DLGAP1: variants seen among roughly 807,000 people sequenced by gnomAD.
The protein encoded by DLGAP1 is disks large-associated protein 1.
A neutral mutation model predicts 90.8 loss-of-function variants in DLGAP1; 11 were observed. The ratio of observed to expected loss-of-function variants is 0.12; its 90% CI spans 0.08 to 0.20. The LOEUF is 0.20. Ranked by LOEUF, DLGAP1 falls within the 10% of genes least tolerant of loss-of-function variation. DLGAP1 has a pLI of 1.00. For missense variants in DLGAP1, 1,050 were observed against 1,333.8 expected, an observed-to-expected ratio of 0.79 and a Z score of 3.31; for synonymous variants, 558 against 540.7, an observed-to-expected ratio of 1.03 and a Z score of -0.44.
At chr18:4,304,126 GAA>G (rs1334627200) in intron 1 of DLGAP1, among the ~76,000 whole-genome samples, 1 of 152,182 alleles carries the variant, frequency 6.6e-6, no homozygotes, top group East Asian at 1.9e-4. Context: ...GTGCAGAAAT[GAA>G]AAGTTGGTTA....
chr18:3,965,937 T>C (rs1329482176), intron 3 of DLGAP1, among the ~76,000 whole-genome samples: 1 of 40,454 alleles, frequency 2.5e-5, no homozygotes, highest in Non-Finnish European at 5.1e-5. Context: ...TAAGACTCCA[T>C]GTCAAAAAAA....
At chr18:3,624,557 G>T (rs1599598434) in intron 7 of DLGAP1, among the ~76,000 whole-genome samples, 1 of 152,152 alleles carries the variant, frequency 6.6e-6, no homozygotes, top group African/African-American at 2.4e-5. Flanking sequence ...TGAACTGTAG[G>T]AGTAGTTTTG....
chr18:3,736,214 G>A (rs114408387), intron 6 of DLGAP1, among the ~76,000 whole-genome samples: 154 of 152,224 alleles, frequency 1.0e-3, no homozygotes, highest in African/African-American at 3.7e-3. Flanking sequence ...GGAAATGACA[G>A]TGACTACATG....
intron 7 of DLGAP1, among the ~76,000 whole-genome samples, chr18:3,712,901 T>C (rs949149596): frequency 6.6e-6 from 1 of 152,188 alleles, no homozygotes; most frequent in African/African-American, 2.4e-5. Context: ...GGCAAATTCG[T>C]GGGAGTGAAG....
chr18:3,969,422 G>A (rs917651963), intron 3 of DLGAP1, among the ~76,000 whole-genome samples: 3 of 152,150 alleles, frequency 2.0e-5, no homozygotes, highest in Admixed American at 1.3e-4. Context: ...ATTAGGCGTT[G>A]ACTGAGTGTA....
intron 4 of DLGAP1, among the ~76,000 whole-genome samples, chr18:3,866,476 G>T (rs989917965): frequency 6.6e-6 from 1 of 152,194 alleles, no homozygotes; most frequent in African/African-American, 2.4e-5. Flanking sequence ...ACAGGGTGGG[G>T]TGGGGTGGCT....
At chr18:3,562,480 C>G (rs1168318368) in intron 9 of DLGAP1, among the ~76,000 whole-genome samples, 1 of 150,054 alleles carries the variant, frequency 6.7e-6, no homozygotes, top group African/African-American at 2.5e-5. Flanking sequence ...ACGAGTGGGT[C>G]TCATGAGATC....
chr18:4,418,224 G>A (rs2082947198), intron 1 of DLGAP1, among the ~76,000 whole-genome samples: 1 of 152,056 alleles, frequency 6.6e-6, no homozygotes, highest in Admixed American at 6.6e-5. Flanking sequence ...CCACTACTAG[G>A]CAGAAAAAAC....
intron 2 of DLGAP1, among the ~76,000 whole-genome samples, chr18:4,018,680 A>T (rs1390717157): frequency 1.3e-5 from 2 of 152,258 alleles, no homozygotes; most frequent in African/African-American, 4.8e-5. Flanking sequence ...GTGGATGTAA[A>T]CTCCATCAGA....
At chr18:4,249,310 C>T (rs2078726034) in intron 1 of DLGAP1, among the ~76,000 whole-genome samples, 1 of 147,770 alleles carries the variant, frequency 6.8e-6, no homozygotes, top group Admixed American at 6.7e-5. Flanking sequence ...TGAATTAATA[C>T]ATGAATGAAG....
chr18:3,630,480 C>A (rs1017858205), intron 7 of DLGAP1, among the ~76,000 whole-genome samples: 34 of 152,228 alleles, frequency 2.2e-4, no homozygotes, highest in African/African-American at 8.2e-4. Context: ...AACTGTGTGC[C>A]CCAATTCCCT....
chr18:3,953,329 C>T (rs138045909), intron 3 of DLGAP1, among the ~76,000 whole-genome samples: 31 of 152,256 alleles, frequency 2.0e-4, no homozygotes, highest in African/African-American at 7.0e-4. Context: ...ACTCAGTCCC[C>T]CTCCCACCCT....
intron 5 of DLGAP1, among the ~76,000 whole-genome samples, chr18:3,794,318 T>C (rs1238873489): frequency 1.3e-5 from 2 of 152,202 alleles, no homozygotes; most frequent in Non-Finnish European, 2.9e-5. Flanking sequence ...ACAGAACATA[T>C]ACAGAAGAGA....
intron 3 of DLGAP1, among the ~76,000 whole-genome samples, chr18:3,905,134 G>A (rs2071868612): frequency 6.6e-6 from 1 of 151,590 alleles, no homozygotes; most frequent in African/African-American, 2.4e-5. Flanking sequence ...TTGGGAGGCT[G>A]AGTTGGGCGG....
At chr18:3,749,451 C>T (rs2063413287) in intron 5 of DLGAP1, among the ~76,000 whole-genome samples, 1 of 152,092 alleles carries the variant, frequency 6.6e-6, no homozygotes, top group Non-Finnish European at 1.5e-5. Flanking sequence ...CTGCGCCCGG[C>T]CAACATCTCC....
At chr18:4,137,681 G>A (rs542327980) in intron 2 of DLGAP1, among the ~76,000 whole-genome samples, 7 of 152,256 alleles carry the variant, frequency 4.6e-5, no homozygotes, top group South Asian at 2.1e-4. Context: ...TTGGTATTTT[G>A]ATAAGGATTG....
chr18:3,848,652 C>T (rs1304647806), intron 4 of DLGAP1, among the ~76,000 whole-genome samples: 2 of 152,116 alleles, frequency 1.3e-5, no homozygotes, highest in African/African-American at 2.4e-5. Flanking sequence ...CTGTCTTCTA[C>T]GCAGGTCAGA....
chr18:3,945,384 G>A (rs2072856766), intron 3 of DLGAP1, among the ~76,000 whole-genome samples: 1 of 152,164 alleles, frequency 6.6e-6, no homozygotes, highest in Non-Finnish European at 1.5e-5. Flanking sequence ...ATCACTCTTT[G>A]ATCGTTCCAT....
chr18:3,644,263 A>T (rs1288446834), intron 7 of DLGAP1, among the ~76,000 whole-genome samples: 1 of 152,148 alleles, frequency 6.6e-6, no homozygotes, highest in African/African-American at 2.4e-5. Context: ...TGGTATGTTT[A>T]TTGACAGATT....
Sources: allele counts gnomAD v4.1 joint callset (sites outside exome capture counted in the v4.1 genomes callset), GRCh38; gene constraint gnomAD v4.1.1; transcripts MANE v1.5; gene names NCBI Gene and HGNC (gene_info 2026-07-23, HGNC 2026-07-21).